The following EHF variants were observed in gnomAD, a reference collection of about 807,000 sequenced individuals.
EHF encodes the protein ESE3 transcription factor.
In EHF, 14 loss-of-function variants were observed where a neutral mutation model predicts 45.1. That is an observed-to-expected ratio of 0.31 (90% CI 0.21 to 0.49). EHF has a LOEUF of 0.49. EHF is among the 20% of genes least tolerant of loss of function. The probability of loss-of-function intolerance (pLI) is 0.99; values close to 1 mark genes in which losing one functional copy is unlikely to be tolerated. For missense variants in EHF, 282 were observed against 371.4 expected, an observed-to-expected ratio of 0.76 and a Z score of 1.98; for synonymous variants, 136 against 131.8, an observed-to-expected ratio of 1.03 and a Z score of -0.22.
In EHF at chr11:34,643,065, G is replaced by GGTGTGT. The variant is rs76080001; in HGVS notation, c.97+340_97+341insGTGTGT. Among the ~76,000 whole-genome samples the GGTGTGT allele has an allele frequency of 2.3e-3, 331 of 145,020 alleles. 1 individual carries two copies. The highest frequency in any genetic ancestry group is 7.9e-3 in the African/African-American group (291 of 36,912). On this transcript the variant is annotated intron_variant, in intron 2 of 8. Transcript: ENST00000257831. ...TATCAAGATAGGCTAGGAGAGAAAGGGTATGTGTGTGTGTGTGTGTGTGTG... is the reference window on the plus strand; with the variant it reads ...TATCAAGATAGGCTAGGAGAGAAAGGGTGTGTGTATGTGTGTGTGTGTGTGTGTGTG...
chr11:34,655,820 T>A (rs1855612791), intron 6 of EHF, among the ~76,000 whole-genome samples: 1 of 152,178 alleles, frequency 6.6e-6, no homozygotes, highest in Non-Finnish European at 1.5e-5. Context: ...CTCCTGATAA[T>A]TGAATGGATG....
chr11:34,651,140 A>C (rs1242799134), intron 4 of EHF, among the ~76,000 whole-genome samples: 1 of 140,714 alleles, frequency 7.1e-6, no homozygotes, highest in Non-Finnish European at 1.5e-5. Flanking sequence ...TATACATTTA[A>C]ATAAATTAAT....
At position 34,651,603 on chromosome 11, in the gene EHF, C is replaced by A; in HGVS notation, c.468C>A (p.Ser156Arg). The A allele has an allele frequency of 1.2e-6, 2 of 1,613,742 alleles. No individual in the cohort carries two copies. The highest frequency in any genetic ancestry group is 1.7e-6 in the Non-Finnish European group (2 of 1,179,658). Residue 156 changes from serine to arginine, a missense_variant, in exon 5 of 9, where the codon AGC becomes AGA. Ser to Arg is a moderately radical substitution (Grantham distance 110, BLOSUM62 -1). Around this residue, in one of 3 missense-constraint regions of EHF, gnomAD observed 213 missense variants for 247.3 expected, o/e 0.86. Coordinates refer to ENST00000257831, the MANE Select transcript of EHF (RefSeq NM_012153.6). ...ATTTATATGACACCAACTATGGTAGCACAGTAGGTAACTAACTCCCTGACA... is the reference window on the plus strand; with the variant it reads ...ATTTATATGACACCAACTATGGTAGAACAGTAGGTAACTAACTCCCTGACA... ...ENYLYDTNYG[S>R]TVDLLDSKTF...
intron 4 of EHF, among the ~76,000 whole-genome samples, chr11:34,651,170 C>A (rs994108112): frequency 6.6e-6 from 1 of 151,672 alleles, no homozygotes; most frequent in African/African-American, 2.4e-5. Flanking sequence ...GGCCTTCCCC[C>A]CCACCACACT....
At chr11:34,648,883 C>T in intron 3 of EHF, 136 bp from the exon 4 acceptor site, 1 of 767,530 alleles carries the variant, frequency 1.3e-6, no homozygotes, top group Non-Finnish European at 2.1e-6. Context: ...GAGAAACCAC[C>T]TCCCATAAAC....
intron 1 of EHF, among the ~76,000 whole-genome samples, chr11:34,640,479 G>T (rs913030488): frequency 6.6e-6 from 1 of 152,166 alleles, no homozygotes; most frequent in Non-Finnish European, 1.5e-5. Context: ...TCCACTGCTT[G>T]TGGTTGAGCA....
intron 6 of EHF, among the ~76,000 whole-genome samples, chr11:34,654,448 C>A (rs553974305): frequency 6.6e-6 from 1 of 152,148 alleles, no homozygotes; most frequent in African/African-American, 2.4e-5. Context: ...CACGGCTTAC[C>A]CCTGCACACT....
At chr11:34,634,062 G>A (rs539455440) in intron 1 of EHF, among the ~76,000 whole-genome samples, 7 of 152,332 alleles carry the variant, frequency 4.6e-5, no homozygotes, top group African/African-American at 1.7e-4. Flanking sequence ...ATAAGGCTAT[G>A]AAATTATCTG....
At chr11:34,656,350 A>G (rs1469846613) in intron 6 of EHF, among the ~76,000 whole-genome samples, 1 of 152,134 alleles carries the variant, frequency 6.6e-6, no homozygotes, top group Non-Finnish European at 1.5e-5. Flanking sequence ...CTGGCTTAAA[A>G]GTCATCTTCC....
chr11:34,657,949 G>A (rs910808381), intron 7 of EHF, among the ~76,000 whole-genome samples: 1 of 152,058 alleles, frequency 6.6e-6, no homozygotes, highest in Non-Finnish European at 1.5e-5. Context: ...AGTTGAATTT[G>A]GTTGATAATC....
chr11:34,622,958 C>G (rs1327797859), intron 1 of EHF, among the ~76,000 whole-genome samples: 5 of 152,208 alleles, frequency 3.3e-5, no homozygotes, highest in Admixed American at 3.3e-4. Flanking sequence ...TAGCCTTCAT[C>G]AAGACCTCTC....
intron 3 of EHF, 32 bp from the exon 4 acceptor site, chr11:34,648,987 C>G (rs764988391): frequency 6.2e-7 from 1 of 1,603,916 alleles, no homozygotes; most frequent in Non-Finnish European, 8.5e-7. Flanking sequence ...CCATCTGGGC[C>G]CTCTCTGACT....
At chr11:34,630,359 A>C (rs1401951846) in intron 1 of EHF, among the ~76,000 whole-genome samples, 1 of 152,196 alleles carries the variant, frequency 6.6e-6, no homozygotes, top group Non-Finnish European at 1.5e-5. Context: ...TAGTACTAAC[A>C]TTCAGGGTTA....
rs374420735 is a variant in EHF, at chr11:34,658,489, T to C, written c.608-44T>C. On this transcript the variant is annotated intron_variant, in intron 7 of 8. Coordinates refer to ENST00000257831, the MANE Select transcript of EHF (RefSeq NM_012153.6). Reference sequence around the variant, plus strand: ...TCAATGCTCTCTGCCCTATCTTTGCTGTGACTTAGATCATTAGTAACCTGC... The same window carrying C: ...TCAATGCTCTCTGCCCTATCTTTGCCGTGACTTAGATCATTAGTAACCTGC... 29 of 1,546,956 alleles carry C rather than the reference T, an allele frequency of 1.9e-5. No homozygotes were observed. In the East Asian group the frequency reaches 2.7e-4, roughly 14 times the overall value.
chr11:34,647,051 A>T (rs1310132741), intron 3 of EHF, among the ~76,000 whole-genome samples: 1 of 150,384 alleles, frequency 6.6e-6, no homozygotes, highest in Non-Finnish European at 1.5e-5. Flanking sequence ...TTACAAAAAA[A>T]AAAACAAAAA....
At chr11:34,652,554 G>T (rs1855273453) in intron 6 of EHF, among the ~76,000 whole-genome samples, 1 of 152,136 alleles carries the variant, frequency 6.6e-6, no homozygotes, top group Non-Finnish European at 1.5e-5. Flanking sequence ...GTTGAAAGAG[G>T]ATCTTATGGT....
At chr11:34,637,948 C>CT (rs1201976236) in intron 1 of EHF, among the ~76,000 whole-genome samples, 6 of 150,388 alleles carry the variant, frequency 4.0e-5, no homozygotes, top group Non-Finnish European at 7.4e-5. Context: ...GTTGCCCAGG[C>CT]TGGAGTACAG....
intron 1 of EHF, among the ~76,000 whole-genome samples, chr11:34,625,531 C>T (rs1385807447): frequency 6.6e-6 from 1 of 152,190 alleles, no homozygotes; most frequent in Non-Finnish European, 1.5e-5. Context: ...TAGAGGAAGA[C>T]CCTGTGGCTG....
chr11:34,638,791 T>G (rs1404409521), intron 1 of EHF, among the ~76,000 whole-genome samples: 2 of 152,192 alleles, frequency 1.3e-5, no homozygotes, highest in Non-Finnish European at 2.9e-5. Flanking sequence ...CATCCGAGGT[T>G]CCTGCCTCCA....
Sources: allele counts gnomAD v4.1 joint callset (sites outside exome capture counted in the v4.1 genomes callset), GRCh38; gene constraint gnomAD v4.1.1; regional missense constraint gnomAD v4.1.1; transcripts MANE v1.5; gene names NCBI Gene and HGNC (gene_info 2026-07-23, HGNC 2026-07-21).